RELCH: variants seen among roughly 807,000 people sequenced by gnomAD.
RELCH encodes RAB11 binding and LisH domain, coiled-coil and HEAT repeat containing, also known as RAB11-binding protein RELCH.
In RELCH, 41 loss-of-function variants were observed where a neutral mutation model predicts 150.3. The ratio of observed to expected loss-of-function variants is 0.27; its 90% confidence interval spans 0.21 to 0.35. The LOEUF is 0.35. Among genes scored for constraint, RELCH ranks in the 10% least tolerant of loss-of-function variants. The pLI is 1.00. For synonymous variants in RELCH, 478 were observed against 531.8 expected, an observed-to-expected ratio of 0.90 and a Z score of 1.39; for missense variants, 1,092 against 1,467.8, an observed-to-expected ratio of 0.74 and a Z score of 4.18.
In RELCH at chr18:62,227,621, A is replaced by G. The variant is rs985847583; in HGVS notation, c.1086A>G (p.Leu362=). ...PAENSMLVQK[L]EDKISLLNSE... is the part of the protein sequence containing the mutation. ...AGAACTCCATGTTAGTACAGAAATT[A>G]GAAGATAAAATTAGTTTGTTAAATA... The change falls in exon 7 of 29, where the codon TTA becomes TTG. Residue 362 remains leucine, a synonymous_variant. Coordinates refer to ENST00000644646, the MANE Select transcript of RELCH (RefSeq NM_001346231.2). 6.4e-7 allele frequency: 1 copy of G among 1,561,740 alleles called. No individual in the cohort carries two copies. Among genetic ancestry groups the G allele is most frequent in the African/African-American group, 1.4e-5 (1 of 73,126 alleles).
chr18:62,283,368 G>T (rs1322544085), intron 25 of RELCH, among the ~76,000 whole-genome samples: 2 of 152,122 alleles, frequency 1.3e-5, no homozygotes, highest in East Asian at 1.9e-4. Context: ...AAGAACTTAT[G>T]ACTCCAAAAG....
At chr18:62,267,894 A>G (rs1294702123) in intron 19 of RELCH, among the ~76,000 whole-genome samples, 2 of 151,990 alleles carry the variant, frequency 1.3e-5, no homozygotes, top group Non-Finnish European at 2.9e-5. Context: ...GTAATAATCT[A>G]TGAATATACT....
At chr18:62,300,310 C>T (rs1319659553) in intron 28 of RELCH, 10 of 152,152 alleles carry the variant, frequency 6.6e-5, no homozygotes, top group Non-Finnish European at 1.5e-4. Flanking sequence ...CATATGATTC[C>T]GTCTGCCAGG....
At chr18:62,240,408 C>CTT (rs199932427) in intron 10 of RELCH, among the ~76,000 whole-genome samples, 23 of 139,590 alleles carry the variant, frequency 1.6e-4, no homozygotes, top group East Asian at 1.0e-3. Flanking sequence ...TTTTTTTTTT[C>CTT]TTTTTCTTTT....
intron 11 of RELCH, chr18:62,246,293 T>G (rs2042409598): frequency 6.6e-6 from 1 of 152,220 alleles, no homozygotes; most frequent in South Asian, 2.1e-4. Flanking sequence ...TAAGCGTCTT[T>G]TCTTAGAAAT....
At chr18:62,220,428 C>G (rs1236787450) in intron 2 of RELCH, among the ~76,000 whole-genome samples, 1 of 139,090 alleles carries the variant, frequency 7.2e-6, no homozygotes, top group Non-Finnish European at 1.5e-5. Flanking sequence ...AAAACATACT[C>G]TTGTTTGTAG....
At position 62,187,571 on chromosome 18, in the gene RELCH, G is replaced by T; in HGVS notation, c.66G>T (p.Ser22=). The T allele has an allele frequency of 1.3e-6, 2 of 1,520,586 alleles. No homozygotes were observed. The highest frequency in any genetic ancestry group is 1.3e-5 in the South Asian group (1 of 76,200). The allele number at this position is 1,520,586 out of a possible 1,614,324, so 94.2% of individuals were successfully genotyped here. A position where few individuals can be genotyped will look rare whatever the true frequency, so the allele number is the denominator to read the frequency against. Residue 22 remains serine (S), a synonymous_variant, in exon 1 of 29, where the codon TCG becomes TCT. Transcript: ENST00000644646. The stretch of plus-strand genomic sequence containing the variant: ...GCGTGAATCCATTTCTCAGTGATTC[G>T]GATGAGGACGATGACGAGGTAGCTG... The part of the protein sequence containing the change: ...GGGVNPFLSD[S]DEDDDEVAAT...
chr18:62,208,439 A>C (rs569461417), intron 1 of RELCH, among the ~76,000 whole-genome samples: 6 of 151,746 alleles, frequency 4.0e-5, no homozygotes, highest in Non-Finnish European at 8.8e-5. Context: ...TCCTATGGCT[A>C]CTTTAAAAAG....
At chr18:62,264,467 T>G (rs1343735877) in intron 17 of RELCH, among the ~76,000 whole-genome samples, 2 of 152,212 alleles carry the variant, frequency 1.3e-5, no homozygotes, top group Middle Eastern at 6.8e-3. Flanking sequence ...ATCAGATCCA[T>G]AGATTTGAGT....
chr18:62,274,454 C>T (rs2044081809), intron 21 of RELCH, among the ~76,000 whole-genome samples: 1 of 152,168 alleles, frequency 6.6e-6, no homozygotes, highest in Non-Finnish European at 1.5e-5. Context: ...GTTTGATTTG[C>T]TTAGTCCTGC....
At chr18:62,302,170 A>G (rs923274867) in intron 28 of RELCH, among the ~76,000 whole-genome samples, 1 of 152,254 alleles carries the variant, frequency 6.6e-6, no homozygotes, top group African/African-American at 2.4e-5. Flanking sequence ...AGATTCCTAC[A>G]TTTCTGATCT....
chr18:62,228,278 G>A (rs1381542104), intron 7 of RELCH, 27 bp from the exon 8 acceptor site: 1 of 1,572,198 alleles, frequency 6.4e-7, no homozygotes. Context: ...GTCCTCTGGT[G>A]ATTTCTCTTA....
intron 2 of RELCH, chr18:62,220,761 G>T: frequency 2.5e-6 from 1 of 405,650 alleles, no homozygotes; most frequent in Non-Finnish European, 4.4e-6. Context: ...GTATGCCATA[G>T]ATTTTATTTT....
intron 28 of RELCH, among the ~76,000 whole-genome samples, chr18:62,303,648 G>C (rs917319658): frequency 2.6e-5 from 4 of 152,228 alleles, no homozygotes; most frequent in African/African-American, 9.6e-5. Context: ...TAGGACTTCA[G>C]CTGGGCTTTG....
chr18:62,240,718 T>C (rs1257721527), intron 10 of RELCH, among the ~76,000 whole-genome samples: 1 of 152,198 alleles, frequency 6.6e-6, no homozygotes, highest in African/African-American at 2.4e-5. Flanking sequence ...TTAATGATCA[T>C]AGACACTCTG....
intron 25 of RELCH, 148 bp from the exon 26 acceptor site, chr18:62,287,203 G>C: frequency 1.8e-6 from 1 of 568,662 alleles, no homozygotes; most frequent in East Asian, 3.1e-5. Flanking sequence ...TTAAGAAAAA[G>C]CAAGTATAAG....
At chr18:62,251,485 G>C (rs1306365274) in intron 11 of RELCH, among the ~76,000 whole-genome samples, 1 of 152,174 alleles carries the variant, frequency 6.6e-6, no homozygotes, top group African/African-American at 2.4e-5. Flanking sequence ...CTGCTGAGAA[G>C]GCAGTAGAGT....
At chr18:62,219,848 T>C (rs925227535) in intron 2 of RELCH, among the ~76,000 whole-genome samples, 1 of 152,120 alleles carries the variant, frequency 6.6e-6, no homozygotes. Flanking sequence ...AATTTTTCCA[T>C]ATATTTTTAT....
At chr18:62,302,071 T>C (rs1231669959) in intron 28 of RELCH, among the ~76,000 whole-genome samples, 1 of 152,192 alleles carries the variant, frequency 6.6e-6, no homozygotes, top group Non-Finnish European at 1.5e-5. Context: ...TGGCAGTGAA[T>C]ATGAGAAGAT....
Sources: allele counts gnomAD v4.1 joint callset (sites outside exome capture counted in the v4.1 genomes callset), GRCh38; gene constraint gnomAD v4.1.1; transcripts MANE v1.5; gene names NCBI Gene and HGNC (gene_info 2026-07-23, HGNC 2026-07-21).